ANKRD36: variants seen among roughly 807,000 people sequenced by gnomAD.
ANKRD36 encodes the protein ankyrin repeat domain-containing protein 36A.
Under a neutral mutation model 278.1 loss-of-function variants are expected in ANKRD36, and 179 were observed. That is an observed-to-expected ratio of 0.64 (90% CI 0.57 to 0.73). The LOEUF is 0.73. ANKRD36 is among the 30% of genes least tolerant of loss of function. The pLI is 0.00. For synonymous variants in ANKRD36, 320 were observed against 641.1 expected (o/e 0.50, Z 7.57); for missense variants, 1,159 against 1,956.7 (o/e 0.59, Z 7.69).
intron 44 of ANKRD36, 109 bp downstream of exon 44, chr2:97,198,767 C>T: frequency 3.3e-6 from 4 of 1,200,138 alleles, no homozygotes; most frequent in East Asian, 2.6e-5. Context: ...TCTGATTCAG[C>T]AGTCCTGAGA....
intron 67 of ANKRD36, among the ~76,000 whole-genome samples, chr2:97,228,557 A>C (rs548689436): frequency 6.6e-6 from 1 of 151,942 alleles, no homozygotes; most frequent in African/African-American, 2.4e-5. Flanking sequence ...CTAGCTGTCT[A>C]TCAATTTTGT....
chr2:97,177,534 G>A (rs1424254589), intron 22 of ANKRD36, among the ~76,000 whole-genome samples: 1 of 151,748 alleles, frequency 6.6e-6, no homozygotes, highest in Non-Finnish European at 1.5e-5. Flanking sequence ...CATATCTACA[G>A]CTACCTGATC....
At chr2:97,164,007 A>G in intron 18 of ANKRD36, 1 of 985,214 alleles carries the variant, frequency 1.0e-6, no homozygotes, top group Non-Finnish European at 1.2e-6. Flanking sequence ...CATTGGTAGA[A>G]ATACTTTTCT....
chr2:97,138,340 G>T (rs1215283639), intron 6 of ANKRD36, among the ~76,000 whole-genome samples: 1 of 152,012 alleles, frequency 6.6e-6, no homozygotes, highest in Non-Finnish European at 1.5e-5. Flanking sequence ...ATACACAATT[G>T]CTACAAAGAG....
At chr2:97,116,600 A>G (rs2035450298) in intron 1 of ANKRD36, among the ~76,000 whole-genome samples, 1 of 151,866 alleles carries the variant, frequency 6.6e-6, no homozygotes, top group South Asian at 2.1e-4. Flanking sequence ...GTTTATTGGT[A>G]TCTTCTGTGA....
rs766154316 is a variant in ANKRD36, at chr2:97,118,428, A to G, written c.397A>G (p.Thr133Ala). Reference sequence around the variant, plus strand: ...AAATATTACGGATTTCTTTGGAAGGACTGCTCTGCACTACGCTGTGTATAA... The same window carrying G: ...AAATATTACGGATTTCTTTGGAAGGGCTGCTCTGCACTACGCTGTGTATAA... ...NPNITDFFGR[T>A]ALHYAVYNED... The change falls in exon 3 of 76, where the codon ACT becomes GCT. Residue 133 changes from threonine (T) to alanine (A), a missense_variant. Thr to Ala is a moderately conservative substitution (Grantham distance 58). Transcript: ENST00000420699. The G allele has an allele frequency of 3.1e-5, 50 of 1,607,046 alleles. 3 individuals are homozygous for G. In the South Asian group the frequency reaches 5.4e-4, roughly 17 times the overall value.
intron 20 of ANKRD36, among the ~76,000 whole-genome samples, chr2:97,167,188 C>G (rs1400514474): frequency 2.6e-5 from 4 of 151,870 alleles, no homozygotes; most frequent in African/African-American, 9.7e-5. Flanking sequence ...GTTAACTATG[C>G]TTCTGTATGT....
intron 46 of ANKRD36, 113 bp downstream of exon 46, chr2:97,200,638 G>C (rs2061099434): frequency 6.8e-7 from 1 of 1,466,028 alleles, no homozygotes; most frequent in African/African-American, 1.4e-5. Flanking sequence ...CACCAAGCTT[G>C]AGATTCTTCT....
Position 97,216,264 on chromosome 2 carries a change from T to G in ANKRD36, c.3673+767T>G, listed in dbSNP as rs550858999. Reference sequence around the variant, plus strand: ...TGGCTTCATTGTTCAAGGAGCTAACTCTTGGGTAAAATAGCTATTGGATGA... The same window carrying G: ...TGGCTTCATTGTTCAAGGAGCTAACGCTTGGGTAAAATAGCTATTGGATGA... On this transcript the variant is annotated intron_variant, in intron 62 of 75. Transcript: ENST00000420699. 9.0e-4 allele frequency among the ~76,000 whole-genome samples: 137 copies of G among 152,006 alleles called. No individual in the cohort carries two copies. In the East Asian group the frequency reaches 0.012, roughly 13 times the overall value.
chr2:97,178,597 A>G (rs1490948860), intron 22 of ANKRD36, among the ~76,000 whole-genome samples: 2 of 148,658 alleles, frequency 1.3e-5, no homozygotes, highest in African/African-American at 2.5e-5. Context: ...CAAACACCGC[A>G]TATTCTCACT....
chr2:97,197,587 C>T (rs770951189), intron 42 of ANKRD36, among the ~76,000 whole-genome samples: 4 of 151,844 alleles, frequency 2.6e-5, no homozygotes, highest in Non-Finnish European at 4.4e-5. Context: ...ACTTCTTTAG[C>T]GAATGACATG....
intron 36 of ANKRD36, among the ~76,000 whole-genome samples, chr2:97,191,922 G>A (rs1245471535): frequency 2.6e-5 from 4 of 151,506 alleles, no homozygotes; most frequent in African/African-American, 9.7e-5. Flanking sequence ...GAATATATTG[G>A]CTTCCTTGTT....
chr2:97,215,086 G>A (rs1294011212), intron 60 of ANKRD36, among the ~76,000 whole-genome samples: 29 of 148,552 alleles, frequency 2.0e-4, no homozygotes, highest in South Asian at 9.1e-4. Flanking sequence ...ATCATACTAC[G>A]TTTGAAATGC....
At chr2:97,209,901 G>A (rs1242549138) in intron 56 of ANKRD36, 29 bp downstream of exon 56, 2 of 1,553,614 alleles carry the variant, frequency 1.3e-6, no homozygotes, top group South Asian at 2.4e-5. Context: ...TTAATGTCAT[G>A]TTCAGTCCAG....
intron 67 of ANKRD36, among the ~76,000 whole-genome samples, chr2:97,229,617 G>C (rs2071191334): frequency 6.6e-6 from 1 of 152,044 alleles, no homozygotes; most frequent in African/African-American, 2.4e-5. Flanking sequence ...TCTTTTAATT[G>C]GAGCATTTAG....
intron 38 of ANKRD36, among the ~76,000 whole-genome samples, chr2:97,193,965 A>G (rs1398615847): frequency 6.6e-6 from 1 of 151,632 alleles, no homozygotes; most frequent in Non-Finnish European, 1.5e-5. Context: ...TGAATGAAAA[A>G]CTGAGTAATA....
At chr2:97,162,989 C>T (rs558018096) in intron 18 of ANKRD36, among the ~76,000 whole-genome samples, 189 of 152,100 alleles carry the variant, frequency 1.2e-3, no homozygotes, top group African/African-American at 4.1e-3. Flanking sequence ...TTGATTAAGC[C>T]GGGCACGGTG....
At chr2:97,145,900 G>GAA (rs1468774934) in intron 10 of ANKRD36, among the ~76,000 whole-genome samples, 1 of 152,044 alleles carries the variant, frequency 6.6e-6, no homozygotes, top group African/African-American at 2.4e-5. Flanking sequence ...GAGGAGCTTT[G>GAA]AAGTGCACGT....
Position 97,215,493 on chromosome 2 carries a change from G to C in ANKRD36, c.3669G>C (p.Gly1223=), listed in dbSNP as rs746553142. The change falls in exon 62 of 76, where the codon GGG becomes GGC. Residue 1223 remains glycine, a synonymous_variant. Coordinates refer to ENST00000420699, the MANE Select transcript of ANKRD36 (RefSeq NM_001354587.1). ...ATEIKDGQIR[G]TVSPQKQSAQ... is the part of the protein sequence containing the mutation. Reference sequence around the variant, plus strand: ...AAATAAAGGATGGACAAATACGTGGGACAGGTATTTTGGAATACACCTTTA... The same window carrying C: ...AAATAAAGGATGGACAAATACGTGGCACAGGTATTTTGGAATACACCTTTA... 4.4e-6 allele frequency: 7 copies of C among 1,576,624 alleles called. No homozygotes were observed. The highest frequency in any genetic ancestry group is 5.2e-6 in the Non-Finnish European group (6 of 1,162,486).
Sources: allele counts gnomAD v4.1 joint callset (sites outside exome capture counted in the v4.1 genomes callset), GRCh38; gene constraint gnomAD v4.1.1; transcripts MANE v1.5; gene names NCBI Gene and HGNC (gene_info 2026-07-23, HGNC 2026-07-21).